Variants in TSHZ3 observed in about 807,000 individuals in gnomAD.
TSHZ3 encodes teashirt homolog 3.
In TSHZ3, 10 loss-of-function variants were observed where a neutral mutation model predicts 64.5. The ratio of observed to expected loss-of-function variants is 0.16; its 90% CI spans 0.10 to 0.26. TSHZ3 has a LOEUF of 0.26. Among genes scored for constraint, TSHZ3 ranks in the 10% least tolerant of loss-of-function variants. TSHZ3 has a pLI of 1.00. For missense variants in TSHZ3, 1,242 were observed against 1,421.7 expected (o/e 0.87, Z 2.03); for synonymous variants, 608 against 593.1 (o/e 1.03, Z -0.36).
At chr19:31,190,717 G>A (rs1974891305) in intron 5 of TSHZ3, among the ~76,000 whole-genome samples, 1 of 151,868 alleles carries the variant, frequency 6.6e-6, no homozygotes, top group South Asian at 2.1e-4. Flanking sequence ...AAACTTTTCT[G>A]TAGAAATCGA....
intron 3 of TSHZ3, among the ~76,000 whole-genome samples, chr19:31,230,867 T>A (rs936812227): frequency 3.3e-5 from 5 of 150,374 alleles, no homozygotes; most frequent in Non-Finnish European, 7.4e-5. Context: ...GCGCGGCTAA[T>A]TTTTTTTTGT....
intron 4 of TSHZ3, among the ~76,000 whole-genome samples, chr19:31,218,233 G>T (rs1249876101): frequency 6.6e-6 from 1 of 152,046 alleles, no homozygotes; most frequent in Non-Finnish European, 1.5e-5. Context: ...TTAAAAATGG[G>T]CCAAAGACCT....
chr19:31,286,185 C>G (rs1258766514), intron 1 of TSHZ3, among the ~76,000 whole-genome samples: 1 of 152,192 alleles, frequency 6.6e-6, no homozygotes, highest in Non-Finnish European at 1.5e-5. Flanking sequence ...AGACAGCCAT[C>G]GATCTCTCAA....
chr19:31,288,413 C>T (rs1214441373), intron 1 of TSHZ3, among the ~76,000 whole-genome samples: 1 of 152,178 alleles, frequency 6.6e-6, no homozygotes, highest in Non-Finnish European at 1.5e-5. Flanking sequence ...TCTCACTCCC[C>T]ACTTACCTGC....
At chr19:31,230,294 A>C (rs959693441) in intron 3 of TSHZ3, among the ~76,000 whole-genome samples, 1 of 152,158 alleles carries the variant, frequency 6.6e-6, no homozygotes, top group Non-Finnish European at 1.5e-5. Flanking sequence ...CCATCTGTAC[A>C]TTTCATTTTT....
intron 1 of TSHZ3, among the ~76,000 whole-genome samples, chr19:31,248,572 A>G (rs1975788838): frequency 6.6e-6 from 1 of 151,966 alleles, no homozygotes. Context: ...ACTTGGGCCC[A>G]GGAGTTCCAG....
At chr19:31,260,953 C>T (rs1036802379) in intron 1 of TSHZ3, among the ~76,000 whole-genome samples, 6 of 152,138 alleles carry the variant, frequency 3.9e-5, no homozygotes, top group African/African-American at 1.4e-4. Context: ...AGCACTGTGC[C>T]GGCTCCTATA....
chr19:31,297,217 G>T (rs2867597), intron 1 of TSHZ3, among the ~76,000 whole-genome samples: 4 of 151,906 alleles, frequency 2.6e-5, no homozygotes, highest in Non-Finnish European at 5.9e-5. Context: ...TCAGCTCCCC[G>T]CATCCCCTCA....
At chr19:31,259,747 T>A (rs997325705) in intron 1 of TSHZ3, among the ~76,000 whole-genome samples, 1 of 152,220 alleles carries the variant, frequency 6.6e-6, no homozygotes, top group Non-Finnish European at 1.5e-5. Context: ...CACTGTTTGC[T>A]GAAGGAGCTG....
intron 4 of TSHZ3, among the ~76,000 whole-genome samples, chr19:31,208,046 AC>A (rs1338477221): frequency 6.6e-6 from 1 of 152,202 alleles, no homozygotes; most frequent in Non-Finnish European, 1.5e-5. Flanking sequence ...TCGTGGCAAC[AC>A]CCTTAGCACC....
chr19:31,330,043 A>C (rs1320388148), intron 1 of TSHZ3, among the ~76,000 whole-genome samples: 1 of 152,208 alleles, frequency 6.6e-6, no homozygotes, highest in African/African-American at 2.4e-5. Flanking sequence ...AGTAATCATA[A>C]AAACTGTAAT....
intron 5 of TSHZ3, among the ~76,000 whole-genome samples, chr19:31,193,636 T>C (rs1476629166): frequency 6.6e-6 from 1 of 152,186 alleles, no homozygotes; most frequent in African/African-American, 2.4e-5. Context: ...GGTAACATTG[T>C]GAGAATCATC....
In TSHZ3 at chr19:31,349,281, G is replaced by A. The variant is rs1169277698; in HGVS notation, c.-62C>T. ...GCCGCTGCCGGGCTGAGGACAGGGA[G>A]GGAGGGGGCGGCGGGCCCGCGGGGG... On this transcript the variant is annotated 5_prime_UTR_variant, in exon 1 of 2. Coordinates refer to ENST00000240587, the MANE Select transcript of TSHZ3 (RefSeq NM_020856.4). The A allele has an allele frequency of 6.7e-6, 9 of 1,336,220 alleles. No individual in the cohort carries two copies. The African/African-American group carries it at 3.0e-4, about 44-fold the overall frequency. 82.8% of individuals were successfully genotyped at this position (1,336,220 alleles called of 1,614,324 possible).
At chr19:31,228,352 C>T (rs981861331) in intron 3 of TSHZ3, among the ~76,000 whole-genome samples, 1 of 151,744 alleles carries the variant, frequency 6.6e-6, no homozygotes, top group African/African-American at 2.4e-5. Context: ...ATAGTGAAAC[C>T]CTATGTCTAC....
intron 4 of TSHZ3, among the ~76,000 whole-genome samples, chr19:31,213,325 C>G (rs1413767225): frequency 1.6e-5 from 2 of 124,804 alleles, no homozygotes; most frequent in African/African-American, 3.1e-5. Context: ...CCACTGCACT[C>G]CAGCCTGAGC....
At chr19:31,304,935 C>T (rs908032346) in intron 1 of TSHZ3, among the ~76,000 whole-genome samples, 1 of 152,240 alleles carries the variant, frequency 6.6e-6, no homozygotes, top group Non-Finnish European at 1.5e-5. Context: ...GGTTTGATTG[C>T]TTCCTTTGCA....
At chr19:31,317,253 A>C (rs1000662499) in intron 1 of TSHZ3, among the ~76,000 whole-genome samples, 1 of 152,158 alleles carries the variant, frequency 6.6e-6, no homozygotes, top group Non-Finnish European at 1.5e-5. Flanking sequence ...GGAAGCATTA[A>C]AACGCTGATA....
intron 5 of TSHZ3, among the ~76,000 whole-genome samples, chr19:31,190,752 C>T (rs970173963): frequency 2.0e-5 from 3 of 151,940 alleles, no homozygotes; most frequent in African/African-American, 7.2e-5. Context: ...AGTTATTGAA[C>T]TTAGGACACA....
intron 1 of TSHZ3, among the ~76,000 whole-genome samples, chr19:31,343,032 C>G (rs367781350): frequency 1.3e-5 from 2 of 152,294 alleles, no homozygotes; most frequent in South Asian, 2.1e-4. Flanking sequence ...AACAGTGTCT[C>G]TCTCCCCTAC....
Sources: allele counts gnomAD v4.1 joint callset (sites outside exome capture counted in the v4.1 genomes callset), GRCh38; gene constraint gnomAD v4.1.1; transcripts MANE v1.5; gene names NCBI Gene and HGNC (gene_info 2026-07-23, HGNC 2026-07-21).